XKR4: variants seen among roughly 807,000 people sequenced by gnomAD.
The protein encoded by XKR4 is XK related 4.
XKR4 carries 12 observed loss-of-function variants against 53.9 expected under a neutral mutation model. The observed-to-expected ratio is 0.22, with a 90% CI of 0.14 to 0.36. The LOEUF (loss-of-function observed/expected upper bound fraction) is 0.36, where lower values mean the gene tolerates loss of function less well. XKR4 is among the 10% of genes least tolerant of loss of function. XKR4 has a pLI of 1.00. For missense variants in XKR4, 799 were observed against 859.5 expected (o/e 0.93, Z 0.88); for synonymous variants, 354 against 362.4 (o/e 0.98, Z 0.26).
chr8:55,352,372 G>C (rs1488782327), intron 1 of XKR4, among the ~76,000 whole-genome samples: 1 of 152,194 alleles, frequency 6.6e-6, no homozygotes, highest in Non-Finnish European at 1.5e-5. Context: ...ATAGAATATG[G>C]GATAGGGCAT....
chr8:55,373,980 G>A (rs1453576320), intron 2 of XKR4, among the ~76,000 whole-genome samples: 2 of 152,162 alleles, frequency 1.3e-5, no homozygotes, highest in Non-Finnish European at 2.9e-5. Context: ...AGGTCAGGAA[G>A]TCGGAGAAGT....
intron 2 of XKR4, among the ~76,000 whole-genome samples, chr8:55,366,615 A>G (rs998880419): frequency 1.3e-5 from 2 of 152,152 alleles, no homozygotes; most frequent in South Asian, 2.1e-4. Flanking sequence ...TCATATTCCA[A>G]TGGTCTGACT....
intron 2 of XKR4, among the ~76,000 whole-genome samples, chr8:55,481,118 C>T (rs1454404220): frequency 6.6e-6 from 1 of 152,012 alleles, no homozygotes; most frequent in African/African-American, 2.4e-5. Context: ...AGAACAAAGC[C>T]AGAGGCATCA....
intron 1 of XKR4, among the ~76,000 whole-genome samples, chr8:55,133,848 T>C (rs1456743889): frequency 6.6e-6 from 1 of 152,210 alleles, no homozygotes; most frequent in Non-Finnish European, 1.5e-5. Context: ...ATAATGGAGA[T>C]GAAAATTTAT....
chr8:55,316,761 G>A (rs888272899), intron 1 of XKR4, among the ~76,000 whole-genome samples: 5 of 151,942 alleles, frequency 3.3e-5, no homozygotes, highest in African/African-American at 4.8e-5. Flanking sequence ...TTTCTCTACC[G>A]CAACCCCCAA....
intron 2 of XKR4, among the ~76,000 whole-genome samples, chr8:55,375,691 A>T (rs2129386722): frequency 6.6e-6 from 1 of 150,804 alleles, no homozygotes; most frequent in East Asian, 1.9e-4. Context: ...ATTTATGAGG[A>T]AATAAGATAC....
At chr8:55,144,951 C>T (rs1396800305) in intron 1 of XKR4, among the ~76,000 whole-genome samples, 1 of 152,064 alleles carries the variant, frequency 6.6e-6, no homozygotes, top group African/African-American at 2.4e-5. Flanking sequence ...CCTGCCTCAG[C>T]CTCCCAAGTA....
intron 2 of XKR4, among the ~76,000 whole-genome samples, chr8:55,418,249 C>G (rs1004834331): frequency 3.3e-5 from 5 of 152,146 alleles, no homozygotes; most frequent in Admixed American, 3.3e-4. Flanking sequence ...AGGGCAGATC[C>G]CTGAGAGGGC....
chr8:55,496,797 C>A (rs186920043), intron 2 of XKR4, among the ~76,000 whole-genome samples: 2 of 152,312 alleles, frequency 1.3e-5, no homozygotes, highest in South Asian at 4.1e-4. Flanking sequence ...CCTAGTTCAA[C>A]ATTTCTCAAA....
intron 1 of XKR4, among the ~76,000 whole-genome samples, chr8:55,325,647 T>G (rs986816377): frequency 6.6e-6 from 1 of 152,194 alleles, no homozygotes; most frequent in Non-Finnish European, 1.5e-5. Flanking sequence ...TTTTAAATAT[T>G]ATTTTTTCTT....
At chr8:55,257,854 G>A (rs563872632) in intron 1 of XKR4, among the ~76,000 whole-genome samples, 12 of 152,164 alleles carry the variant, frequency 7.9e-5, no homozygotes, top group Non-Finnish European at 1.5e-4. Context: ...ATGTATCTCA[G>A]GTCATATTTG....
intron 1 of XKR4, among the ~76,000 whole-genome samples, chr8:55,278,501 C>A (rs1237182564): frequency 1.3e-5 from 2 of 151,938 alleles, no homozygotes; most frequent in Non-Finnish European, 2.9e-5. Flanking sequence ...TCTTGGGTGT[C>A]GTTGTAATTT....
chr8:55,213,477 T>C (rs1318169503), intron 1 of XKR4, among the ~76,000 whole-genome samples: 1 of 152,204 alleles, frequency 6.6e-6, no homozygotes, highest in Non-Finnish European at 1.5e-5. Context: ...AATAGTGATG[T>C]AACCTCTAGG....
At chr8:55,310,052 T>A (rs1455985072) in intron 1 of XKR4, among the ~76,000 whole-genome samples, 2 of 151,696 alleles carry the variant, frequency 1.3e-5, no homozygotes, top group East Asian at 3.9e-4. Flanking sequence ...CATGTGTGTC[T>A]GTGTGTGTGT....
At chr8:55,117,958 A>G in intron 1 of XKR4, among the ~76,000 whole-genome samples, 1 of 152,222 alleles carries the variant, frequency 6.6e-6, no homozygotes, top group East Asian at 1.9e-4. Flanking sequence ...CAGCTATAAA[A>G]TGTTGGGTGG....
rs5891559 is a variant in XKR4, at chr8:55,139,512, C to CAAAA, written c.806+36230_806+36233dup. Among the ~76,000 whole-genome samples, 84 of 114,452 alleles carry CAAAA rather than the reference C, an allele frequency of 7.3e-4. 3 individuals are homozygous for CAAAA. The highest frequency in any genetic ancestry group is 3.1e-3 in the African/African-American group (78 of 25,122). The allele number at this position is 114,452 out of a possible 152,430, so 75.1% of individuals were successfully genotyped here. A position where few individuals can be genotyped will look rare whatever the true frequency, so the allele number is the denominator to read the frequency against. ...TGGGTGACAGAGCAAGACTCCGTCT[C>CAAAA]AAAAAAAAAAAAAAAGAGTGCTGGC... On this transcript the variant is annotated intron_variant, in intron 1 of 2. Coordinates refer to ENST00000327381, the MANE Select transcript of XKR4 (RefSeq NM_052898.2).
chr8:55,135,582 C>T (rs1816614379), intron 1 of XKR4: 2 of 456,100 alleles, frequency 4.4e-6, no homozygotes, highest in Middle Eastern at 3.3e-4. Flanking sequence ...GTATTGCTTT[C>T]TGCTTTCTCT....
chr8:55,341,555 C>T (rs970750312), intron 1 of XKR4, among the ~76,000 whole-genome samples: 1 of 152,202 alleles, frequency 6.6e-6, no homozygotes, highest in Non-Finnish European at 1.5e-5. Context: ...TTTCTGACTA[C>T]TCTGCAATGA....
intron 2 of XKR4, among the ~76,000 whole-genome samples, chr8:55,437,313 G>A (rs1198839527): frequency 1.3e-5 from 2 of 152,114 alleles, no homozygotes; most frequent in Admixed American, 6.6e-5. Context: ...TTACAGGCAT[G>A]AGCCACTGTG....
Sources: allele counts gnomAD v4.1 joint callset (sites outside exome capture counted in the v4.1 genomes callset), GRCh38; gene constraint gnomAD v4.1.1; transcripts MANE v1.5; gene names NCBI Gene and HGNC (gene_info 2026-07-23, HGNC 2026-07-21).